PRRC2B: variants seen among roughly 807,000 people sequenced by gnomAD.
The protein encoded by PRRC2B is proline rich coiled-coil 2B.
PRRC2B carries 68 observed loss-of-function variants against 242.3 expected under a neutral mutation model. The ratio of observed to expected loss-of-function variants is 0.28; its 90% confidence interval spans 0.23 to 0.34. The LOEUF is 0.34. Ranked by LOEUF, PRRC2B falls within the 10% of genes least tolerant of loss-of-function variation. PRRC2B has a pLI of 1.00. For missense variants in PRRC2B, 2,835 were observed against 2,954.8 expected, an observed-to-expected ratio of 0.96 and a Z score of 0.94; for synonymous variants, 1,228 against 1,173.6, an observed-to-expected ratio of 1.05 and a Z score of -0.95.
intron 3 of PRRC2B, 69 bp downstream of exon 3, chr9:131,432,863 G>A: frequency 2.0e-6 from 3 of 1,537,330 alleles, no homozygotes; most frequent in Non-Finnish European, 2.7e-6. Context: ...CCTTCCCTGT[G>A]GCAAACTAAC....
intron 3 of PRRC2B, among the ~76,000 whole-genome samples, chr9:131,434,417 A>T (rs1341592913): frequency 1.3e-5 from 2 of 152,194 alleles, no homozygotes; most frequent in Non-Finnish European, 1.5e-5. Context: ...AGAGGTGAGG[A>T]TGGAGTGTTG....
At chr9:131,401,641 G>A (rs530536649) in intron 1 of PRRC2B, among the ~76,000 whole-genome samples, 8 of 151,576 alleles carry the variant, frequency 5.3e-5, no homozygotes, top group Non-Finnish European at 8.8e-5. Flanking sequence ...ATGAGCCACC[G>A]TGCCTGGCCT....
At chr9:131,449,517 C>T (rs907533587) in intron 9 of PRRC2B, among the ~76,000 whole-genome samples, 1 of 152,090 alleles carries the variant, frequency 6.6e-6, no homozygotes, top group Non-Finnish European at 1.5e-5. Context: ...TTTTAATTTG[C>T]ATTTTGCTGA....
intron 5 of PRRC2B, among the ~76,000 whole-genome samples, chr9:131,442,237 A>G (rs755550482): frequency 1.1e-4 from 17 of 151,842 alleles, no homozygotes; most frequent in African/African-American, 3.9e-4. Flanking sequence ...GGCTCAAGCA[A>G]TCTTCCCGCC....
chr9:131,446,787 C>T lies in PRRC2B; in HGVS notation c.855+145C>T. The T allele has an allele frequency of 1.0e-6, 1 of 994,016 alleles. No homozygotes were observed. The allele number at this position is 994,016 out of a possible 1,614,324, so 61.6% of individuals were successfully genotyped here. A position where few individuals can be genotyped will look rare whatever the true frequency, so the allele number is the denominator to read the frequency against. On this transcript the variant is annotated intron_variant, in intron 7 of 31. Transcript: ENST00000683519. This position sits in a 1 kb window ranked among gnomAD's most constrained non-coding sequence, Gnocchi z 4.1. ...GGCTTCCACTCGTTTTGCATTTTCT[C>T]TCCCTGCTTTTTAAATCTTCAGGGC...
At chr9:131,468,182 G>A (rs1179418352) in intron 13 of PRRC2B, among the ~76,000 whole-genome samples, 2 of 152,174 alleles carry the variant, frequency 1.3e-5, no homozygotes, top group African/African-American at 4.8e-5. Context: ...CCTGTGAGCT[G>A]TTTGAAGAGC....
At chr9:131,420,502 T>TTCTTTCTTTTCTTTCTTTC (rs1837805084) in intron 1 of PRRC2B, among the ~76,000 whole-genome samples, 1 of 97,902 alleles carries the variant, frequency 1.0e-5, no homozygotes, top group Non-Finnish European at 2.1e-5. Flanking sequence ...TCTTTTTTTT[T>TTCTTTCTTTTCTTTCTTTC]TTTTTTTTGA....
chr9:131,478,055 G>T, intron 17 of PRRC2B, 106 bp downstream of exon 17: 2 of 958,066 alleles, frequency 2.1e-6, no homozygotes. Context: ...CTTAGCTTTC[G>T]GAACAGCTCG....
rs118101376 is a variant in PRRC2B, at chr9:131,404,070, C to T, written c.-52+9807C>T. Among the ~76,000 whole-genome samples, 126 of 152,170 alleles carry T rather than the reference C, an allele frequency of 8.3e-4. 2 individuals are homozygous for T. In the East Asian group the frequency reaches 0.023, roughly 28 times the overall value. Reference sequence around the variant, plus strand: ...TGCTAGGATTACAGGTGTAAGCCACCACACCCAGCCATTTTTCCATATTCA... The same window carrying T: ...TGCTAGGATTACAGGTGTAAGCCACTACACCCAGCCATTTTTCCATATTCA... On this transcript the variant is annotated intron_variant, in intron 1 of 31. Coordinates refer to ENST00000683519, the MANE Select transcript of PRRC2B (RefSeq NM_013318.4).
chr9:131,487,234 T>C lies in PRRC2B; in HGVS notation c.5924T>C (p.Leu1975Pro). ...CTGCAGGCACAAGCTCAGCTTGGAC[T>C]GAGGGGTGGGCTTCCTGTGTCCCAG... ...TSLQAQAQLG[L>P]RGGLPVSQSQ... Residue 1975 changes from leucine to proline, a missense_variant, in exon 27 of 32, where the codon CTG becomes CCG. Leu to Pro is a moderately conservative substitution (Grantham distance 98). This residue lies in a region of PRRC2B where 574 missense variants were observed against 626.0 expected (regional missense o/e 0.92). Coordinates refer to ENST00000683519, the MANE Select transcript of PRRC2B (RefSeq NM_013318.4). The surrounding 1 kb of genome is among the most constrained non-coding windows in gnomAD (Gnocchi z 5.3). 6.2e-7 allele frequency: 1 copy of C among 1,613,620 alleles called. No individual in the cohort carries two copies. The highest frequency in any genetic ancestry group is 8.5e-7 in the Non-Finnish European group (1 of 1,179,686).
At chr9:131,462,681 T>C (rs1943274999) in intron 11 of PRRC2B, among the ~76,000 whole-genome samples, 2 of 151,052 alleles carry the variant, frequency 1.3e-5, no homozygotes, top group Non-Finnish European at 3.0e-5. Context: ...CTACTAAAAA[T>C]ACAAAAATTA....
Position 131,496,104 on chromosome 9 carries a change from CCTT to C in PRRC2B, c.*232_*234del, listed in dbSNP as rs1184875628. The C allele has an allele frequency of 1.6e-5, 9 of 552,446 alleles. No homozygotes were observed. In the East Asian group the frequency reaches 2.2e-4, roughly 13 times the overall value. 34.2% of individuals were successfully genotyped at this position (552,446 alleles called of 1,614,324 possible). ...ATACGAAACAAAAAAGCAGACGACT[CCTT>C]CATCCCATCTGCTCCTACCGTGACT... On this transcript the variant is annotated 3_prime_UTR_variant, in exon 32 of 32. Coordinates refer to ENST00000683519, the MANE Select transcript of PRRC2B (RefSeq NM_013318.4).
chr9:131,390,715 C>T (rs1016996722), upstream of PRRC2B, among the ~76,000 whole-genome samples: 3 of 150,534 alleles, frequency 2.0e-5, no homozygotes, highest in Non-Finnish European at 4.4e-5. Context: ...ATCTCTTGAC[C>T]TCGTGACCCA....
chr9:131,475,641 A>G lies in PRRC2B; in HGVS notation c.3512A>G (p.Lys1171Arg), dbSNP rs1943670302. 1 of 1,611,136 alleles carries G rather than the reference A, an allele frequency of 6.2e-7. No individual in the cohort carries two copies. Among genetic ancestry groups the G allele is most frequent in the Non-Finnish European group, 8.5e-7 (1 of 1,178,886 alleles). Residue 1171 changes from lysine to arginine, a missense_variant, in exon 16 of 32, where the codon AAG becomes AGG. Lys to Arg is a conservative substitution (Grantham distance 26). This residue lies in a region of PRRC2B where 1,536 missense variants were observed against 1,483.1 expected (regional missense o/e 1.04). Coordinates refer to ENST00000683519, the MANE Select transcript of PRRC2B (RefSeq NM_013318.4). ...LLEREESTLK[K>R]GDCRDSWRSN... is the part of the protein sequence containing the mutation. Reference sequence around the variant, plus strand: ...GAGAGGGAGGAGAGCACCTTGAAGAAGGGCGACTGCAGAGATTCTTGGCGG... The same window carrying G: ...GAGAGGGAGGAGAGCACCTTGAAGAGGGGCGACTGCAGAGATTCTTGGCGG...
At chr9:131,488,277 T>G (rs1373815446) in intron 28 of PRRC2B, among the ~76,000 whole-genome samples, 181 bp downstream of exon 28, 1 of 151,536 alleles carries the variant, frequency 6.6e-6, no homozygotes, top group East Asian at 1.9e-4. Flanking sequence ...ACCTTTTTTT[T>G]TTTTTGGACA....
At chr9:131,429,988 T>A in intron 1 of PRRC2B, 106 bp from the exon 2 acceptor site, 2 of 608,324 alleles carry the variant, frequency 3.3e-6, no homozygotes, top group South Asian at 4.1e-5. Flanking sequence ...AGGAGATCCA[T>A]GATTCGTGAA....
At chr9:131,394,687 G>C (rs1260481717) in intron 1 of PRRC2B, among the ~76,000 whole-genome samples, 1 of 151,558 alleles carries the variant, frequency 6.6e-6, no homozygotes, top group East Asian at 1.9e-4. Context: ...TCCCCGCCCC[G>C]CCCAATTGAC....
intron 23 of PRRC2B, among the ~76,000 whole-genome samples, chr9:131,483,770 G>C (rs1943938251): frequency 6.6e-6 from 1 of 152,166 alleles, no homozygotes; most frequent in African/African-American, 2.4e-5. Flanking sequence ...CCCTCCTCAG[G>C]AGGCCCCATC....
intron 1 of PRRC2B, among the ~76,000 whole-genome samples, chr9:131,413,691 A>T (rs1004174324): frequency 6.6e-5 from 10 of 151,670 alleles, no homozygotes; most frequent in Non-Finnish European, 1.5e-4. Context: ...TGTTTTTGAG[A>T]TGGAGTTTTT....
Sources: allele counts gnomAD v4.1 joint callset (sites outside exome capture counted in the v4.1 genomes callset), GRCh38; gene constraint gnomAD v4.1.1; regional missense constraint gnomAD v4.1.1; non-coding constraint Gnocchi (gnomAD v3.1); transcripts MANE v1.5; gene names NCBI Gene and HGNC (gene_info 2026-07-23, HGNC 2026-07-21).